Variants in POFUT3 observed in about 807,000 individuals in gnomAD.
POFUT3 encodes the protein protein O-fucosyltransferase 3.
At chr8:33,449,332 C>G in the POFUT3 span, among the ~76,000 whole-genome samples, 2 of 120,006 alleles carry the variant, frequency 1.7e-5, no homozygotes, top group East Asian at 5.6e-4. Flanking sequence ...CTCTGTCACC[C>G]AGGCTGGAGT....
chr8:33,374,215 G>A, the POFUT3 span, among the ~76,000 whole-genome samples: 28 of 152,184 alleles, frequency 1.8e-4, no homozygotes, highest in Non-Finnish European at 3.2e-4. Context: ...CCCACCTACC[G>A]GTCTGTGGAA....
At chr8:33,401,972 G>A in the POFUT3 span, among the ~76,000 whole-genome samples, 4 of 151,938 alleles carry the variant, frequency 2.6e-5, no homozygotes, top group Non-Finnish European at 5.9e-5. Flanking sequence ...GGTTCAGTGA[G>A]CCGAGATCAC....
At chr8:33,389,400 G>T in the POFUT3 span, 1 of 1,614,204 alleles carries the variant, frequency 6.2e-7, no homozygotes, top group Non-Finnish European at 8.5e-7. Flanking sequence ...ATAGAGGCTG[G>T]ATTTTTCAGC....
the POFUT3 span, among the ~76,000 whole-genome samples, chr8:33,454,203 C>T: frequency 6.6e-6 from 1 of 152,210 alleles, no homozygotes; most frequent in Admixed American, 6.5e-5. Flanking sequence ...CAATGGGTCT[C>T]ACTGGGCTAA....
At chr8:33,458,017 C>T in the POFUT3 span, among the ~76,000 whole-genome samples, 1 of 152,164 alleles carries the variant, frequency 6.6e-6, no homozygotes, top group African/African-American at 2.4e-5. Context: ...ACTCCCAGTA[C>T]TTTATAACGT....
At chr8:33,311,669 C>A in the POFUT3 span, among the ~76,000 whole-genome samples, 1 of 152,160 alleles carries the variant, frequency 6.6e-6, no homozygotes, top group Non-Finnish European at 1.5e-5. Context: ...AATTTCTGAA[C>A]ATGGAATAGA....
At chr8:33,427,993 C>T in the POFUT3 span, among the ~76,000 whole-genome samples, 44 of 151,998 alleles carry the variant, frequency 2.9e-4, no homozygotes, top group African/African-American at 1.0e-3. Context: ...GACATGGTGG[C>T]GCATGCCTGT....
the POFUT3 span, among the ~76,000 whole-genome samples, chr8:33,329,649 G>A: frequency 2.0e-5 from 3 of 152,114 alleles, no homozygotes; most frequent in East Asian, 5.8e-4. Context: ...AGAGAGAGGC[G>A]CTTCCCCTTA....
the POFUT3 span, among the ~76,000 whole-genome samples, chr8:33,423,861 G>A: frequency 3.3e-5 from 5 of 150,136 alleles, no homozygotes; most frequent in African/African-American, 7.3e-5. Flanking sequence ...ATTACTGGGC[G>A]GGGGCGGTGG....
the POFUT3 span, among the ~76,000 whole-genome samples, chr8:33,329,290 T>C: frequency 2.8e-3 from 423 of 152,344 alleles, 2 homozygotes; most frequent in Non-Finnish European, 4.6e-3. Context: ...CATACTTATC[T>C]ATGGGAAAAT....
At chr8:33,459,317 G>T in the POFUT3 span, among the ~76,000 whole-genome samples, 1 of 151,980 alleles carries the variant, frequency 6.6e-6, no homozygotes, top group Non-Finnish European at 1.5e-5. Flanking sequence ...TCCAGCATGG[G>T]CAACAAAAGC....
chr8:33,439,726 G>A, the POFUT3 span, among the ~76,000 whole-genome samples: 1 of 151,828 alleles, frequency 6.6e-6, no homozygotes, highest in East Asian at 1.9e-4. Flanking sequence ...AATTAGTCAG[G>A]TACAGTGGCA....
chr8:33,403,365 T>C, the POFUT3 span, among the ~76,000 whole-genome samples: 2 of 151,596 alleles, frequency 1.3e-5, no homozygotes, highest in South Asian at 2.1e-4. Context: ...TACTGATGAG[T>C]AGTGAAGTCT....
chr8:33,431,749 G>A, the POFUT3 span, among the ~76,000 whole-genome samples: 12,458 of 151,776 alleles, frequency 0.082, 664 homozygotes, highest in African/African-American at 0.15. Flanking sequence ...GTTGTAATTG[G>A]ATTTTTTTTT....
At chr8:33,385,423 T>C in the POFUT3 span, among the ~76,000 whole-genome samples, 1 of 152,078 alleles carries the variant, frequency 6.6e-6, no homozygotes. Flanking sequence ...CACTACACGG[T>C]AGAAGCAAAC....
the POFUT3 span, among the ~76,000 whole-genome samples, chr8:33,341,299 G>C: frequency 6.6e-6 from 1 of 151,954 alleles, no homozygotes; most frequent in Non-Finnish European, 1.5e-5. Context: ...GCCGAGGCTG[G>C]TGTCACACAC....
the POFUT3 span, among the ~76,000 whole-genome samples, chr8:33,327,368 A>G: frequency 6.6e-6 from 1 of 152,182 alleles, no homozygotes; most frequent in African/African-American, 2.4e-5. Context: ...TTCTCTAAGT[A>G]TATGTCTCCC....
the POFUT3 span, among the ~76,000 whole-genome samples, chr8:33,457,201 A>T: frequency 6.6e-6 from 1 of 152,068 alleles, no homozygotes; most frequent in African/African-American, 2.4e-5. Flanking sequence ...TACTCCCAGC[A>T]TTTTGGGAGG....
chr8:33,436,532 G>A, the POFUT3 span: 1 of 1,070,172 alleles, frequency 9.3e-7, no homozygotes, highest in Non-Finnish European at 1.4e-6. Context: ...AGCTTGTGAT[G>A]GTGCAGGTTG....
Sources: gnomAD v4.1 joint callset for allele counts (sites outside exome capture counted in the v4.1 genomes callset) on GRCh38, gnomAD v4.1.1 for gene constraint, MANE v1.5 for transcripts, NCBI Gene and HGNC (gene_info 2026-07-23, HGNC 2026-07-21) for gene names.